AGGF1: variants seen among roughly 807,000 people sequenced by gnomAD.
The protein encoded by AGGF1 is angiogenic factor with G-patch and FHA domains 1.
A neutral mutation model predicts 86.5 loss-of-function variants in AGGF1; 56 were observed. The observed-to-expected ratio is 0.65, with a 90% CI of 0.52 to 0.81. AGGF1 has a LOEUF of 0.81. AGGF1 is among the 30% of genes least tolerant of loss of function. The pLI, the probability that AGGF1 is intolerant of heterozygous loss-of-function variation, is 0.00. For synonymous variants in AGGF1, 313 were observed against 297.1 expected (o/e 1.05, Z -0.55); for missense variants, 816 against 850.9 (o/e 0.96, Z 0.51).
intron 8 of AGGF1, 49 bp from the exon 9 acceptor site, chr5:77,052,657 A>G (rs939274911): frequency 2.2e-6 from 3 of 1,342,812 alleles, no homozygotes; most frequent in South Asian, 1.2e-5. Context: ...AATTGTCCAT[A>G]GTTTTGAAAA....
intron 5 of AGGF1, among the ~76,000 whole-genome samples, chr5:77,044,570 G>T (rs1747209940): frequency 6.6e-6 from 1 of 152,024 alleles, no homozygotes; most frequent in African/African-American, 2.4e-5. Flanking sequence ...TTCTGTACTG[G>T]CAAATAGCTT....
chr5:77,042,063 C>G (rs959145896), intron 5 of AGGF1, among the ~76,000 whole-genome samples: 1 of 151,628 alleles, frequency 6.6e-6, no homozygotes, highest in Non-Finnish European at 1.5e-5. Context: ...GCACATCTTG[C>G]ACCACCCTTA....
At chr5:77,042,111 G>A (rs1025130569) in intron 5 of AGGF1, among the ~76,000 whole-genome samples, 1 of 151,858 alleles carries the variant, frequency 6.6e-6, no homozygotes, top group Admixed American at 6.6e-5. Flanking sequence ...ACATGTTTCA[G>A]AGAGCACAGG....
In AGGF1 at chr5:77,057,437, T is replaced by C. The variant is rs572716816; in HGVS notation, c.1716+1841T>C. 2.6e-5 allele frequency among the ~76,000 whole-genome samples: 4 copies of C among 152,288 alleles called. No homozygotes were observed. The East Asian group carries it at 5.8e-4, about 22-fold the overall frequency. On this transcript the variant is annotated intron_variant, in intron 11 of 13. Transcript: ENST00000312916. ...AATAAAAAAGCAGGAACTAGTAATA[T>C]AGGCCACAACCTGGATGAATCTCAA...
At chr5:77,053,900 A>C in intron 9 of AGGF1, 65 bp from the exon 10 acceptor site, 1 of 1,481,400 alleles carries the variant, frequency 6.8e-7, no homozygotes, top group Non-Finnish European at 9.4e-7. Context: ...CATTACTTAC[A>C]GTAGATGTAA....
At chr5:77,054,758 A>G (rs904424269) in intron 10 of AGGF1, among the ~76,000 whole-genome samples, 2 of 152,176 alleles carry the variant, frequency 1.3e-5, no homozygotes, top group Non-Finnish European at 2.9e-5. Flanking sequence ...ATAATTTAAT[A>G]AAGACTGGTT....
intron 12 of AGGF1, among the ~76,000 whole-genome samples, chr5:77,061,340 A>G (rs768233752): frequency 7.2e-5 from 11 of 152,150 alleles, no homozygotes; most frequent in Non-Finnish European, 1.3e-4. Context: ...TTTTGTGTCT[A>G]TATTTTTTGT....
chr5:77,038,467 T>A (rs1046453327), intron 4 of AGGF1, among the ~76,000 whole-genome samples: 5 of 152,174 alleles, frequency 3.3e-5, no homozygotes, highest in Non-Finnish European at 4.4e-5. Context: ...TAATAAATTT[T>A]TTTTATATTT....
Position 77,040,083 on chromosome 5 carries a change from G to A in AGGF1, c.870+364G>A, listed in dbSNP as rs577420526. 2.0e-5 allele frequency among the ~76,000 whole-genome samples: 3 copies of A among 150,816 alleles called. No individual in the cohort carries two copies. In the South Asian group the frequency reaches 6.3e-4, roughly 32 times the overall value. ...CAGGTTCAACTTTCTTAGTTATGTG[G>A]AGCAATTTTTTACTTACTAGGACAA... On this transcript the variant is annotated intron_variant, in intron 5 of 13. Transcript: ENST00000312916.
chr5:77,048,069 C>T, intron 6 of AGGF1, 92 bp from the exon 7 acceptor site: 2 of 864,404 alleles, frequency 2.3e-6, no homozygotes, highest in South Asian at 2.7e-5. Context: ...TTGACCAACA[C>T]ATTTTTATTT....
chr5:77,039,826 A>T, intron 5 of AGGF1, 107 bp downstream of exon 5: 1 of 966,536 alleles, frequency 1.0e-6, no homozygotes, highest in Non-Finnish European at 1.6e-6. Flanking sequence ...CATTTCAAAC[A>T]TACCCATTAA....
At chr5:77,040,948 G>A (rs1021751918) in intron 5 of AGGF1, among the ~76,000 whole-genome samples, 9 of 152,030 alleles carry the variant, frequency 5.9e-5, no homozygotes, top group African/African-American at 2.2e-4. Context: ...CTGCATCCTC[G>A]ACCTCCTGAG....
rs568736894 is a variant in AGGF1 at position 77,051,926 on chromosome 5, A to G, written c.1366-780A>G. The stretch of plus-strand genomic sequence containing the variant: ...ACAACTGGATGAACCTCATGACTTA[A>G]TGTTAAAGAAGCAAAATAAGAGGAA... On this transcript the variant is annotated intron_variant, in intron 8 of 13. Coordinates refer to ENST00000312916, the MANE Select transcript of AGGF1 (RefSeq NM_018046.5). Among the ~76,000 whole-genome samples, 23 of 152,358 alleles carry G rather than the reference A, an allele frequency of 1.5e-4. 1 individual carries two copies. The highest frequency in any genetic ancestry group is 2.6e-4 in the Admixed American group (4 of 15,302).
intron 8 of AGGF1, among the ~76,000 whole-genome samples, chr5:77,050,110 A>ATC (rs1176659074): frequency 6.6e-6 from 1 of 151,970 alleles, no homozygotes; most frequent in African/African-American, 2.4e-5. Flanking sequence ...GAAAGAGGAA[A>ATC]AAGTCCTCTT....
intron 11 of AGGF1, among the ~76,000 whole-genome samples, chr5:77,058,725 A>G (rs1747499349): frequency 6.6e-6 from 1 of 152,170 alleles, no homozygotes; most frequent in Admixed American, 6.5e-5. Context: ...GATGAGTATC[A>G]TACTTTTTAT....
rs145594492 is a variant in AGGF1 at position 77,063,193 on chromosome 5, A to G, written c.2086A>G (p.Thr696Ala). The G allele has an allele frequency of 1.2e-4, 191 of 1,613,938 alleles. No individual in the cohort carries two copies. The highest frequency in any genetic ancestry group is 1.5e-4 in the Non-Finnish European group (180 of 1,179,938). Residue 696 changes from threonine to alanine, a missense_variant, in exon 14 of 14, where the codon ACT becomes GCT. Coordinates refer to ENST00000312916, the MANE Select transcript of AGGF1 (RefSeq NM_018046.5). ...RERFTENFPE[T>A]KPQKDDPGTM... Reference sequence around the variant, plus strand: ...GCGGTTTACTGAAAACTTCCCAGAAACTAAGCCTCAAAAAGATGACCCAGG... The same window carrying G: ...GCGGTTTACTGAAAACTTCCCAGAAGCTAAGCCTCAAAAAGATGACCCAGG...
In AGGF1 at chr5:77,059,602, TTG is replaced by T; in HGVS notation, c.1717-10_1717-9del. On this transcript the variant is annotated splice_polypyrimidine_tract_variant and intron_variant, in intron 11 of 13. Coordinates refer to ENST00000312916, the MANE Select transcript of AGGF1 (RefSeq NM_018046.5). The stretch of plus-strand genomic sequence containing the variant: ...AGCTTTCTTTTCCTGAATGAATATT[TTG>T]TGTTTATTAAGAATACAGAATACGA... 6.3e-7 allele frequency: 1 copy of T among 1,591,924 alleles called. No individual in the cohort carries two copies. The highest frequency in any genetic ancestry group is 8.6e-7 in the Non-Finnish European group (1 of 1,161,728).
intron 1 of AGGF1, among the ~76,000 whole-genome samples, chr5:77,031,467 T>C (rs963459096): frequency 1.3e-5 from 2 of 152,216 alleles, no homozygotes; most frequent in South Asian, 4.1e-4. Context: ...AGGTTGCTCT[T>C]CTGGGCGTTT....
chr5:77,042,520 G>C (rs1747120208), intron 5 of AGGF1, among the ~76,000 whole-genome samples: 1 of 85,932 alleles, frequency 1.2e-5, no homozygotes, highest in African/African-American at 3.4e-5. Context: ...TCCCGGACGG[G>C]GCGGCTGGCC....
Sources: allele counts gnomAD v4.1 joint callset (sites outside exome capture counted in the v4.1 genomes callset), GRCh38; gene constraint gnomAD v4.1.1; transcripts MANE v1.5; gene names NCBI Gene and HGNC (gene_info 2026-07-23, HGNC 2026-07-21).